The following ANKRD42 variants were observed in gnomAD, a reference collection of about 807,000 sequenced individuals.
The protein encoded by ANKRD42 is ankyrin repeat domain-containing protein 42.
Under a neutral mutation model 51.5 loss-of-function variants are expected in ANKRD42, and 43 were observed. That is an observed-to-expected ratio of 0.83 (90% CI 0.65 to 1.08). The LOEUF is 1.08. Ranked by LOEUF, ANKRD42 falls within the 50% of genes least tolerant of loss-of-function variation. The pLI, the probability that ANKRD42 is intolerant of heterozygous loss-of-function variation, is 0.00. For missense variants in ANKRD42, 608 were observed against 629.3 expected, an observed-to-expected ratio of 0.97 and a Z score of 0.36; for synonymous variants, 203 against 213.0, an observed-to-expected ratio of 0.95 and a Z score of 0.41.
Position 83,193,817 on chromosome 11 carries a change from A to G in ANKRD42, c.-854A>G. On this transcript the variant is annotated 5_prime_UTR_variant, in exon 1 of 11. Transcript: ENST00000533342. ...GTACCAGCGGAAGGCGGCCGCCGCT[A>G]CGGCGATTCGCAGGGAGTAGCAGAC... 4 of 455,178 alleles carry G rather than the reference A, an allele frequency of 8.8e-6. No individual in the cohort carries two copies. The highest frequency in any genetic ancestry group is 1.6e-5 in the South Asian group (1 of 64,476). 28.2% of individuals were successfully genotyped at this position (455,178 alleles called of 1,614,324 possible). A position where few individuals can be genotyped will look rare whatever the true frequency, so the allele number is the denominator to read the frequency against.
At chr11:83,194,773 T>C in intron 1 of ANKRD42, 45 bp downstream of exon 1, 1 of 1,523,914 alleles carries the variant, frequency 6.6e-7, no homozygotes, top group Non-Finnish European at 8.8e-7. Flanking sequence ...GTATTCCTTT[T>C]CTCACTTAAG....
At chr11:83,203,146 A>G (rs1247187508) in intron 2 of ANKRD42, among the ~76,000 whole-genome samples, 1 of 151,578 alleles carries the variant, frequency 6.6e-6, no homozygotes, top group African/African-American at 2.4e-5. Context: ...TGCATGTGCC[A>G]CCATACCTGT....
chr11:83,198,285 G>A (rs1861736938), intron 1 of ANKRD42, among the ~76,000 whole-genome samples, 194 bp from the exon 2 acceptor site: 1 of 152,196 alleles, frequency 6.6e-6, no homozygotes, highest in Non-Finnish European at 1.5e-5. Context: ...AAGGATGGGA[G>A]TGTCAACTTC....
chr11:83,228,943 G>T (rs1005816401), intron 7 of ANKRD42, among the ~76,000 whole-genome samples: 5 of 74,218 alleles, frequency 6.7e-5, no homozygotes, highest in Non-Finnish European at 1.4e-4. Context: ...AGTTTTTTTT[G>T]TTTTTTTTTG....
downstream of ANKRD42, among the ~76,000 whole-genome samples, chr11:83,256,997 T>C (rs1055424741): frequency 2.0e-5 from 3 of 152,194 alleles, no homozygotes; most frequent in East Asian, 3.9e-4. Context: ...ACAGATCTTA[T>C]ACAAAGTGCC....
chr11:83,233,979 G>A (rs1199018196), intron 7 of ANKRD42, among the ~76,000 whole-genome samples: 4 of 152,166 alleles, frequency 2.6e-5, no homozygotes, highest in African/African-American at 7.2e-5. Flanking sequence ...CACGGTGCCC[G>A]GCCTCATTAG....
intron 7 of ANKRD42, among the ~76,000 whole-genome samples, chr11:83,229,715 C>CT: frequency 6.6e-6 from 1 of 152,154 alleles, no homozygotes; most frequent in Admixed American, 6.5e-5. Flanking sequence ...AGAGTTTGCT[C>CT]TTCACCCTCT....
chr11:83,254,430 C>CTTT lies in ANKRD42; in HGVS notation c.1465-1413_1465-1411dup, dbSNP rs778427623. ...CCCCACCTGAGTGTTTTTCTTTTTT[C>CTTT]TTTTCTTTTTTTTTTTTTTGAGACA... On this transcript the variant is annotated intron_variant, in intron 11 of 11. Coordinates refer to the ANKRD42 transcript ENST00000260047. Among the ~76,000 whole-genome samples, 191 of 130,414 alleles carry CTTT rather than the reference C, an allele frequency of 1.5e-3. 7 individuals are homozygous for CTTT. Among genetic ancestry groups the CTTT allele is most frequent in the South Asian group, 2.8e-3 (11 of 3,886 alleles). 85.6% of individuals were successfully genotyped at this position (130,414 alleles called of 152,430 possible).
At chr11:83,244,055 C>T (rs1346573193) in intron 9 of ANKRD42, among the ~76,000 whole-genome samples, 1 of 137,726 alleles carries the variant, frequency 7.3e-6, no homozygotes, top group Non-Finnish European at 1.5e-5. Context: ...GACCTCGGCT[C>T]ACTGCATCCT....
intron 8 of ANKRD42, among the ~76,000 whole-genome samples, 197 bp from the exon 9 acceptor site, chr11:83,240,562 C>T (rs1003718398): frequency 6.6e-6 from 1 of 152,114 alleles, no homozygotes; most frequent in African/African-American, 2.4e-5. Flanking sequence ...AATAATTGTC[C>T]GTAGTGCCAA....
chr11:83,227,820 A>T lies in ANKRD42; in HGVS notation c.861A>T (p.Gly287=). The change falls in exon 7 of 11, where the codon GGA becomes GGT. Residue 287 remains glycine (G), a synonymous_variant. Coordinates refer to ENST00000533342, the MANE Select transcript of ANKRD42 (RefSeq NM_001300975.2). The part of the protein sequence containing the change: ...LGMLKKLVED[G]VININERADN... ...TGCTTAAGAAATTAGTGGAAGATGG[A>T]GTAATCAATATTAATGAGCGTGCTG... The T allele has an allele frequency of 6.2e-7, 1 of 1,613,504 alleles. No homozygotes were observed. The highest frequency in any genetic ancestry group is 8.5e-7 in the Non-Finnish European group (1 of 1,179,796).
intron 10 of ANKRD42, 28 bp from the exon 11 acceptor site, chr11:83,247,915 G>T: frequency 1.3e-6 from 2 of 1,567,194 alleles, no homozygotes; most frequent in South Asian, 2.4e-5. Flanking sequence ...ATTGATGATT[G>T]ATTTTTAAAA....
At chr11:83,238,053 C>T (rs1863274046) in intron 8 of ANKRD42, among the ~76,000 whole-genome samples, 1 of 152,172 alleles carries the variant, frequency 6.6e-6, no homozygotes, top group Non-Finnish European at 1.5e-5. Context: ...ATTAGCTGTT[C>T]ATTTCCTTCT....
intron 7 of ANKRD42, 76 bp from the exon 8 acceptor site, chr11:83,236,328 C>A: frequency 7.7e-7 from 1 of 1,298,428 alleles, no homozygotes; most frequent in South Asian, 1.4e-5. Context: ...TGGTACTGTC[C>A]AAAATTTTAG....
At chr11:83,220,395 G>A (rs182709701) in intron 5 of ANKRD42, among the ~76,000 whole-genome samples, 9 of 152,220 alleles carry the variant, frequency 5.9e-5, no homozygotes, top group African/African-American at 1.4e-4. Context: ...AAAGAGGTCC[G>A]ATTGTATTCA....
chr11:83,226,201 A>G (rs1862877260), intron 6 of ANKRD42, among the ~76,000 whole-genome samples: 1 of 135,900 alleles, frequency 7.4e-6, no homozygotes, highest in Admixed American at 7.3e-5. Flanking sequence ...ACACATACAT[A>G]TGTACACATA....
intron 8 of ANKRD42, among the ~76,000 whole-genome samples, 194 bp from the exon 9 acceptor site, chr11:83,240,565 A>T (rs956541891): frequency 6.6e-6 from 1 of 152,220 alleles, no homozygotes; most frequent in African/African-American, 2.4e-5. Flanking sequence ...AATTGTCCGT[A>T]GTGCCAAGTA....
chr11:83,210,001 G>T, intron 3 of ANKRD42: 1 of 363,342 alleles, frequency 2.8e-6, no homozygotes. Context: ...GGTGTTGTAT[G>T]TATGGCAACT....
rs781475187 is a variant in ANKRD42, at chr11:83,206,072, G to A, written c.237G>A (p.Leu79=). 7 of 1,613,420 alleles carry A rather than the reference G, an allele frequency of 4.3e-6. No individual in the cohort carries two copies. The South Asian group carries it at 7.7e-5, about 18-fold the overall frequency. ...HSGSLECLHW[L]LWHGADITHV... Reference sequence around the variant, plus strand: ...TATTTTCTTAGTGTCTTCATTGGCTGCTCTGGCATGGAGCTGATATCACAC... The same window carrying A: ...TATTTTCTTAGTGTCTTCATTGGCTACTCTGGCATGGAGCTGATATCACAC... Residue 79 remains leucine, a synonymous_variant, in exon 3 of 11, where the codon CTG becomes CTA. Transcript: ENST00000533342.
Sources: allele counts gnomAD v4.1 joint callset (sites outside exome capture counted in the v4.1 genomes callset), GRCh38; gene constraint gnomAD v4.1.1; transcripts MANE v1.5; gene names NCBI Gene and HGNC (gene_info 2026-07-23, HGNC 2026-07-21).